SLC24A3: variants seen among roughly 807,000 people sequenced by gnomAD.
The protein encoded by SLC24A3 is solute carrier family 24 member 3.
SLC24A3 carries 28 observed loss-of-function variants against 75.8 expected under a neutral mutation model. That is an observed-to-expected ratio of 0.37 (90% CI 0.27 to 0.51). The LOEUF (loss-of-function observed/expected upper bound fraction) is 0.51, where lower values mean the gene tolerates loss of function less well. SLC24A3 is among the 20% of genes least tolerant of loss of function. SLC24A3 has a pLI of 0.94. For synonymous variants in SLC24A3, 372 were observed against 334.1 expected (o/e 1.11, Z -1.24); for missense variants, 663 against 847.8 (o/e 0.78, Z 2.71).
intron 2 of SLC24A3, among the ~76,000 whole-genome samples, chr20:19,459,854 G>T (rs568986090): frequency 1.3e-5 from 2 of 152,272 alleles, no homozygotes; most frequent in African/African-American, 4.8e-5. Flanking sequence ...TGGCAGACGA[G>T]CCTGGGGTTC....
intron 2 of SLC24A3, among the ~76,000 whole-genome samples, chr20:19,388,356 A>G (rs1986306834): frequency 1.3e-5 from 2 of 152,154 alleles, no homozygotes; most frequent in Admixed American, 1.3e-4. Flanking sequence ...ATCATTATAT[A>G]ATGACCTTTT....
chr20:19,339,509 T>C (rs1985220424), intron 2 of SLC24A3, among the ~76,000 whole-genome samples: 1 of 152,194 alleles, frequency 6.6e-6, no homozygotes, highest in African/African-American at 2.4e-5. Flanking sequence ...AAGAAACAGG[T>C]TAGGAAGACT....
intron 3 of SLC24A3, among the ~76,000 whole-genome samples, chr20:19,548,656 T>A (rs1170048211): frequency 6.6e-6 from 1 of 152,168 alleles, no homozygotes; most frequent in African/African-American, 2.4e-5. Flanking sequence ...ACCCTTGGAA[T>A]CTCTTTCAAC....
At chr20:19,649,538 G>A (rs187305888) in intron 6 of SLC24A3, among the ~76,000 whole-genome samples, 7 of 151,968 alleles carry the variant, frequency 4.6e-5, no homozygotes, top group East Asian at 3.9e-4. Context: ...CACTTACCTC[G>A]ATTCTCTTGA....
chr20:19,468,241 A>G (rs118179114), intron 2 of SLC24A3, among the ~76,000 whole-genome samples: 204 of 152,280 alleles, frequency 1.3e-3, no homozygotes, highest in Non-Finnish European at 2.4e-3. Flanking sequence ...ATCTGTTTGT[A>G]AGATAAGAGA....
chr20:19,234,675 A>G (rs1465854417), intron 1 of SLC24A3, among the ~76,000 whole-genome samples: 2 of 152,220 alleles, frequency 1.3e-5, no homozygotes, highest in Admixed American at 6.5e-5. Flanking sequence ...GCAGGTGCAC[A>G]GGAGCACCGT....
At chr20:19,432,495 C>A (rs990166713) in intron 2 of SLC24A3, among the ~76,000 whole-genome samples, 1 of 151,926 alleles carries the variant, frequency 6.6e-6, no homozygotes, top group Admixed American at 6.6e-5. Context: ...AGGCAGATGA[C>A]CCCATGGAGA....
intron 1 of SLC24A3, among the ~76,000 whole-genome samples, chr20:19,277,607 G>A (rs1983525367): frequency 6.6e-6 from 1 of 152,142 alleles, no homozygotes; most frequent in Admixed American, 6.5e-5. Flanking sequence ...TGGTCTCTGT[G>A]TTATTACATC....
intron 15 of SLC24A3, among the ~76,000 whole-genome samples, chr20:19,708,827 G>T (rs1364455261): frequency 2.0e-5 from 3 of 152,204 alleles, no homozygotes; most frequent in Non-Finnish European, 4.4e-5. Context: ...CTTGACCATT[G>T]TGTTTCAGGC....
In SLC24A3 at chr20:19,251,369, A is replaced by T. The variant is rs377099914; in HGVS notation, c.143-29590A>T. Among the ~76,000 whole-genome samples, 312 of 152,354 alleles carry T rather than the reference A, an allele frequency of 2.0e-3. 9 individuals are homozygous for T. In the South Asian group the frequency reaches 0.058, roughly 28 times the overall value. On this transcript the variant is annotated intron_variant, in intron 1 of 16. Coordinates refer to ENST00000328041, the MANE Select transcript of SLC24A3 (RefSeq NM_020689.4). ...GAAGCCACAGACAGGGAAGAAAAGT[A>T]AGAACTTATTAATTTAAATTCTGTC...
chr20:19,487,501 CT>C (rs1318715270), intron 2 of SLC24A3, among the ~76,000 whole-genome samples: 1 of 152,126 alleles, frequency 6.6e-6, no homozygotes, highest in African/African-American at 2.4e-5. Context: ...AGCAAAATGC[CT>C]TTTGCCTGAT....
At chr20:19,325,791 TATATAGAGAGAGAG>T (rs1232723729) in intron 2 of SLC24A3, among the ~76,000 whole-genome samples, 18 of 89,432 alleles carry the variant, frequency 2.0e-4, no homozygotes, top group African/African-American at 6.8e-4. Flanking sequence ...TATATATATA[TATATAGAGAGAGAG>T]AGAGAGAGAG....
chr20:19,515,714 A>G (rs2029975110), intron 3 of SLC24A3, 150 bp downstream of exon 3: 1 of 710,614 alleles, frequency 1.4e-6, no homozygotes. Flanking sequence ...GTAGGGGGCC[A>G]TCACCAAATG....
intron 3 of SLC24A3, among the ~76,000 whole-genome samples, chr20:19,525,980 G>A (rs1031783625): frequency 2.0e-5 from 3 of 152,104 alleles, no homozygotes; most frequent in Middle Eastern, 3.2e-3. Flanking sequence ...GAACGAACTC[G>A]GAGGTAGGGG....
At chr20:19,393,243 A>G (rs540743433) in intron 2 of SLC24A3, among the ~76,000 whole-genome samples, 10 of 152,314 alleles carry the variant, frequency 6.6e-5, no homozygotes, top group African/African-American at 2.4e-4. Flanking sequence ...TTTTCCTAAG[A>G]TCAGGATGGC....
At chr20:19,660,503 G>A (rs2032315076) in intron 7 of SLC24A3, among the ~76,000 whole-genome samples, 1 of 152,136 alleles carries the variant, frequency 6.6e-6, no homozygotes, top group Non-Finnish European at 1.5e-5. Context: ...ATTCCATGGT[G>A]TATATAAACC....
chr20:19,231,298 G>A (rs1366533820), intron 1 of SLC24A3, among the ~76,000 whole-genome samples: 2 of 152,308 alleles, frequency 1.3e-5, no homozygotes, highest in African/African-American at 2.4e-5. Context: ...GTTTACGTCC[G>A]AATCCTTGAA....
Position 19,218,615 on chromosome 20 carries a change from G to T in SLC24A3, c.142+5631G>T, listed in dbSNP as rs188942160. On this transcript the variant is annotated intron_variant, in intron 1 of 16. Coordinates refer to ENST00000328041, the MANE Select transcript of SLC24A3 (RefSeq NM_020689.4). Reference sequence around the variant, plus strand: ...TATATAGATATGTCTCTTTCCTCTTGGCTTTTCTTAGCTTCTCATCAACCC... The same window carrying T: ...TATATAGATATGTCTCTTTCCTCTTTGCTTTTCTTAGCTTCTCATCAACCC... Among the ~76,000 whole-genome samples, 495 of 151,574 alleles carry T rather than the reference G, an allele frequency of 3.3e-3. 2 individuals are homozygous for T. Among genetic ancestry groups the T allele is most frequent in the African/African-American group, 9.9e-3 (411 of 41,372 alleles).
chr20:19,264,178 T>C (rs1983087573), intron 1 of SLC24A3: 1 of 150,160 alleles, frequency 6.7e-6, no homozygotes, highest in African/African-American at 2.5e-5. Context: ...AAAAAAAAAT[T>C]ATCCACTTCT....
Sources: gnomAD v4.1 joint callset for allele counts (sites outside exome capture counted in the v4.1 genomes callset) on GRCh38, gnomAD v4.1.1 for gene constraint, MANE v1.5 for transcripts, NCBI Gene and HGNC (gene_info 2026-07-23, HGNC 2026-07-21) for gene names.